The following GSE1 variants were observed in gnomAD, a reference collection of about 807,000 sequenced individuals.
GSE1 encodes Gse1 coiled-coil protein.
In GSE1, 32 loss-of-function variants were observed where a neutral mutation model predicts 112.6. The observed-to-expected ratio is 0.28, with a 90% confidence interval of 0.21 to 0.38. The LOEUF (loss-of-function observed/expected upper bound fraction) is 0.38. Ranked by LOEUF, GSE1 falls within the 10% of genes least tolerant of loss-of-function variation. GSE1 has a pLI of 1.00. For synonymous variants in GSE1, 1,115 were observed against 735.6 expected (o/e 1.52, Z -8.35); for missense variants, 2,348 against 1,699.2 (o/e 1.38, Z -6.71).
intron 1 of GSE1, among the ~76,000 whole-genome samples, chr16:85,622,456 G>C (rs2048801582): frequency 6.6e-6 from 1 of 152,204 alleles, no homozygotes; most frequent in Non-Finnish European, 1.5e-5. Flanking sequence ...TTGCCACTTA[G>C]GGAACTCTGT....
chr16:85,514,627 C>A (rs1483234215), intron 2 of GSE1, among the ~76,000 whole-genome samples: 1 of 152,214 alleles, frequency 6.6e-6, no homozygotes, highest in Non-Finnish European at 1.5e-5. Flanking sequence ...GGCGGCTGAG[C>A]TCAGAGGCTC....
chr16:85,501,762 C>G lies in GSE1; in HGVS notation c.2465-132152C>G, dbSNP rs926912615. On this transcript the variant is annotated intron_variant, in intron 2 of 2. Transcript: ENST00000637419. ...CACCCCCTTTTGGGTGAGAACCGCT[C>G]GGGTCAGGCTGCTGCCCACAGAGGC... Among the ~76,000 whole-genome samples, 6 of 152,208 alleles carry G rather than the reference C, an allele frequency of 3.9e-5. No individual in the cohort carries two copies. In the East Asian group the frequency reaches 7.7e-4, roughly 20 times the overall value.
intron 1 of GSE1, among the ~76,000 whole-genome samples, chr16:85,591,982 C>T (rs1049745662): frequency 6.6e-6 from 1 of 152,170 alleles, no homozygotes; most frequent in African/African-American, 2.4e-5. Context: ...GGATCGGATG[C>T]ACTCGTTGTA....
chr16:85,251,333 A>G (rs1462558189), intron 1 of GSE1, among the ~76,000 whole-genome samples: 8 of 152,114 alleles, frequency 5.3e-5, no homozygotes, highest in Non-Finnish European at 1.0e-4. Context: ...TTTCTCCACC[A>G]CCGTGTCCCA....
intron 1 of GSE1, among the ~76,000 whole-genome samples, chr16:85,305,460 T>G (rs943982295): frequency 9.5e-5 from 4 of 42,066 alleles, no homozygotes; most frequent in Non-Finnish European, 1.6e-4. Context: ...GCATCAGTTT[T>G]TTGTTGTTTT....
At chr16:85,557,942 C>T (rs1386234561) in intron 1 of GSE1, among the ~76,000 whole-genome samples, 1 of 151,932 alleles carries the variant, frequency 6.6e-6, no homozygotes, top group Non-Finnish European at 1.5e-5. Context: ...TATTTTCCAG[C>T]GTTTCCATTC....
At chr16:85,462,798 AGCCGGGGGCGCGGG>A (rs1375088028) in intron 2 of GSE1, among the ~76,000 whole-genome samples, 1 of 114,476 alleles carries the variant, frequency 8.7e-6, no homozygotes, top group South Asian at 3.1e-4. Flanking sequence ...CGGTGCGTGA[AGCCGGGGGCGCGGG>A]GCCGGGGGGC....
chr16:85,590,535 A>ATGTGTGACATTGCG (rs1407693683), intron 1 of GSE1, among the ~76,000 whole-genome samples: 1 of 146,228 alleles, frequency 6.8e-6, no homozygotes, highest in East Asian at 2.1e-4. Flanking sequence ...TTGTGTGAGC[A>ATGTGTGACATTGCG]TGTGTGACAT....
At chr16:85,455,692 C>T (rs1004059341) in intron 2 of GSE1, among the ~76,000 whole-genome samples, 5 of 152,234 alleles carry the variant, frequency 3.3e-5, no homozygotes, top group East Asian at 1.9e-4. Flanking sequence ...CTGCCTCCCC[C>T]GCACGAGACT....
chr16:85,608,786 G>C (rs1459056708), upstream of GSE1, among the ~76,000 whole-genome samples: 1 of 152,228 alleles, frequency 6.6e-6, no homozygotes, highest in African/African-American at 2.4e-5. Flanking sequence ...TTGGTGAATG[G>C]CACAGGTGAT....
At chr16:85,202,427 G>A (rs1419088888) in intron 1 of GSE1, among the ~76,000 whole-genome samples, 2 of 152,238 alleles carry the variant, frequency 1.3e-5, no homozygotes, top group South Asian at 4.1e-4. Flanking sequence ...GAGAGCGGGG[G>A]TGGGGCCCAC....
At chr16:85,477,116 C>T (rs932341221) in intron 2 of GSE1, among the ~76,000 whole-genome samples, 2 of 151,926 alleles carry the variant, frequency 1.3e-5, no homozygotes, top group African/African-American at 2.4e-5. Context: ...TTAGTAGAAA[C>T]GGGGTTTCGC....
At chr16:85,360,723 G>C (rs1335555517) in intron 2 of GSE1, among the ~76,000 whole-genome samples, 1 of 151,916 alleles carries the variant, frequency 6.6e-6, no homozygotes, top group Non-Finnish European at 1.5e-5. Context: ...GACGAAAGCA[G>C]GCACTCGGAG....
intron 2 of GSE1, among the ~76,000 whole-genome samples, chr16:85,549,451 T>C (rs1486539587): frequency 6.6e-6 from 1 of 152,188 alleles, no homozygotes; most frequent in Non-Finnish European, 1.5e-5. Context: ...GTGTTGGGAT[T>C]ATGGGTATAA....
intron 2 of GSE1, among the ~76,000 whole-genome samples, chr16:85,407,206 CT>C (rs373774069): frequency 2.4e-5 from 1 of 41,310 alleles, no homozygotes; most frequent in African/African-American, 2.1e-4. Flanking sequence ...TCAGGCCCCC[CT>C]GGATAATCCT....
chr16:85,416,467 C>T (rs562137302), intron 2 of GSE1, among the ~76,000 whole-genome samples: 1 of 152,238 alleles, frequency 6.6e-6, no homozygotes, highest in South Asian at 2.1e-4. Context: ...GTCCACCGGG[C>T]GGTGCTTTCT....
intron 2 of GSE1, among the ~76,000 whole-genome samples, chr16:85,409,332 C>A (rs2048422421): frequency 2.1e-5 from 1 of 46,564 alleles, no homozygotes; most frequent in East Asian, 9.7e-4. Flanking sequence ...CTCACTGTTA[C>A]ACTCAGGGCC....
At chr16:85,438,024 C>T (rs1156326066) in intron 2 of GSE1, among the ~76,000 whole-genome samples, 1 of 152,102 alleles carries the variant, frequency 6.6e-6, no homozygotes, top group Non-Finnish European at 1.5e-5. Flanking sequence ...GAGCTAGTTC[C>T]GTGTCCGAAG....
chr16:85,646,424 G>A (rs769392351), intron 2 of GSE1, among the ~76,000 whole-genome samples: 14 of 152,366 alleles, frequency 9.2e-5, no homozygotes, highest in Non-Finnish European at 7.3e-5. Context: ...GTGCCTGAAC[G>A]CACGGTGCTG....
Sources: allele counts gnomAD v4.1 joint callset (sites outside exome capture counted in the v4.1 genomes callset), GRCh38; gene constraint gnomAD v4.1.1; transcripts MANE v1.5; gene names NCBI Gene and HGNC (gene_info 2026-07-23, HGNC 2026-07-21).